The following FHIP1A variants were observed in gnomAD, a reference collection of about 807,000 sequenced individuals.
The protein encoded by FHIP1A is FHF complex subunit HOOK-interacting protein 1A.
FHIP1A carries 61 observed loss-of-function variants against 88.6 expected under a neutral mutation model. The observed-to-expected ratio is 0.69, with a 90% CI of 0.56 to 0.85. The LOEUF (loss-of-function observed/expected upper bound fraction) is 0.85. FHIP1A is among the 40% of genes least tolerant of loss of function. The probability of loss-of-function intolerance (pLI) is 0.00; values close to 1 mark genes in which losing one functional copy is unlikely to be tolerated. For synonymous variants in FHIP1A, 478 were observed against 496.0 expected (o/e 0.96, Z 0.48); for missense variants, 1,154 against 1,273.5 (o/e 0.91, Z 1.43).
intron 7 of FHIP1A, among the ~76,000 whole-genome samples, chr4:151,589,511 AC>A (rs1337670187): frequency 6.6e-6 from 1 of 152,080 alleles, no homozygotes; most frequent in Non-Finnish European, 1.5e-5. Context: ...GTCAGGAGAC[AC>A]TCCTAGGCCT....
At position 151,662,594 on chromosome 4, in the gene FHIP1A, A is replaced by G; in HGVS notation, c.2963A>G (p.Lys988Arg). Residue 988 changes from lysine (K) to arginine (R), a missense_variant, in exon 14 of 14, where the codon AAG (lysine) becomes AGG (arginine). Lys to Arg is a conservative substitution (Grantham distance 26). Transcript: ENST00000435205. ...CAGCCCTTCCTGACCCACAGAACCA[A>G]GGTGGCTGAGGCACCCCCCAACCTG... ...VLQPFLTHRTKVAEAPPNLPL... is the reference protein window; with the variant it reads ...VLQPFLTHRTRVAEAPPNLPL... 1 of 1,551,588 alleles carries G rather than the reference A, an allele frequency of 6.4e-7. No individual in the cohort carries two copies. The highest frequency in any genetic ancestry group is 8.7e-7 in the Non-Finnish European group (1 of 1,146,964).
chr4:151,414,344 C>T (rs1248317892), intron 1 of FHIP1A, among the ~76,000 whole-genome samples: 3 of 152,192 alleles, frequency 2.0e-5, no homozygotes, highest in Admixed American at 1.3e-4. Flanking sequence ...TGAGCCACCG[C>T]GTCTGGCCTC....
chr4:151,544,500 C>T (rs1011872828), intron 3 of FHIP1A, among the ~76,000 whole-genome samples: 2 of 152,124 alleles, frequency 1.3e-5, no homozygotes, highest in Admixed American at 1.3e-4. Context: ...TCTCCTTTTC[C>T]TGCTTAGAGC....
chr4:151,586,065 T>G (rs1734199014), intron 5 of FHIP1A, among the ~76,000 whole-genome samples: 1 of 152,100 alleles, frequency 6.6e-6, no homozygotes, highest in East Asian at 1.9e-4. Context: ...AAAATATACG[T>G]GGAAGTGCTT....
chr4:151,667,453 G>A lies in FHIP1A; in HGVS notation c.*4699G>A, dbSNP rs771902010. ...CTTTAGAAAGAGCTCTCAGAAGACT[G>A]AGAATGGTTTTTAGGATAATTTTGC... On this transcript the variant is annotated 3_prime_UTR_variant, in exon 14 of 14. Transcript: ENST00000435205. The A allele has an allele frequency of 1.3e-5, 2 of 152,158 alleles. No homozygotes were observed. Among genetic ancestry groups the A allele is most frequent in the African/African-American group, 4.8e-5 (2 of 41,438 alleles). 9.4% of individuals were successfully genotyped at this position (152,158 alleles called of 1,614,324 possible). A position where few individuals can be genotyped will look rare whatever the true frequency, so the allele number is the denominator to read the frequency against.
chr4:151,616,450 T>C (rs1278812299), intron 7 of FHIP1A, among the ~76,000 whole-genome samples: 3 of 142,626 alleles, frequency 2.1e-5, no homozygotes, highest in Admixed American at 6.9e-5. Context: ...CTTTCTTTTT[T>C]TTTTTTTTTT....
In FHIP1A at chr4:151,566,218, G is replaced by A. The variant is rs1482058928; in HGVS notation, c.-42G>A. Reference sequence around the variant, plus strand: ...TAGTGACGGCTTACCAAATTTTAATGAAAATTAAATATGACTTAGAAGCAT... The same window carrying A: ...TAGTGACGGCTTACCAAATTTTAATAAAAATTAAATATGACTTAGAAGCAT... On this transcript the variant is annotated 5_prime_UTR_variant, in exon 4 of 14. The change abolishes an upstream ATG in the 5' untranslated region. Coordinates refer to ENST00000435205, the MANE Select transcript of FHIP1A (RefSeq NM_001109977.3). The A allele has an allele frequency of 2.3e-6, 3 of 1,301,214 alleles. No individual in the cohort carries two copies. In the South Asian group the frequency reaches 4.5e-5, roughly 19 times the overall value. 80.6% of individuals were successfully genotyped at this position (1,301,214 alleles called of 1,614,324 possible).
chr4:151,592,785 T>C (rs904594837), intron 7 of FHIP1A, among the ~76,000 whole-genome samples: 1 of 152,236 alleles, frequency 6.6e-6, no homozygotes, highest in Admixed American at 6.5e-5. Context: ...CATTTATCAA[T>C]TTTGGCTTTT....
chr4:151,590,472 A>G (rs188852896), intron 7 of FHIP1A, among the ~76,000 whole-genome samples: 79 of 152,310 alleles, frequency 5.2e-4, no homozygotes, highest in African/African-American at 1.8e-3. Context: ...GTCACCACAC[A>G]CTACTTCTTC....
chr4:151,441,691 ATGT>A (rs1340778347), intron 1 of FHIP1A, among the ~76,000 whole-genome samples: 3 of 152,138 alleles, frequency 2.0e-5, no homozygotes, highest in Non-Finnish European at 4.4e-5. Flanking sequence ...CAGCCAGGAG[ATGT>A]GTGAAAGTTA....
chr4:151,466,011 G>C (rs766551351), intron 2 of FHIP1A, among the ~76,000 whole-genome samples: 2 of 151,988 alleles, frequency 1.3e-5, no homozygotes, highest in Admixed American at 6.6e-5. Flanking sequence ...AGAAATAAAG[G>C]GTATTCATAT....
chr4:151,534,706 A>C (rs1266076381), intron 3 of FHIP1A: 1 of 152,234 alleles, frequency 6.6e-6, no homozygotes, highest in African/African-American at 2.4e-5. Context: ...GAAATTCTAG[A>C]GAATCCAAGA....
chr4:151,604,825 G>A (rs1000750537), intron 7 of FHIP1A, among the ~76,000 whole-genome samples: 11 of 151,430 alleles, frequency 7.3e-5, no homozygotes, highest in African/African-American at 2.4e-4. Flanking sequence ...CTCCAGCCTG[G>A]GTGACAGAGT....
intron 7 of FHIP1A, among the ~76,000 whole-genome samples, chr4:151,622,650 A>T (rs1162206465): frequency 6.6e-6 from 1 of 152,094 alleles, no homozygotes; most frequent in Admixed American, 6.6e-5. Context: ...GTAACTGGTC[A>T]GTGATGTTGT....
chr4:151,498,109 A>G (rs570041882), intron 3 of FHIP1A, among the ~76,000 whole-genome samples: 2 of 152,270 alleles, frequency 1.3e-5, no homozygotes, highest in East Asian at 1.9e-4. Flanking sequence ...TTGTATTCAG[A>G]GTTGAGTCCC....
chr4:151,546,298 A>T (rs1002968318), intron 3 of FHIP1A, among the ~76,000 whole-genome samples: 44 of 152,134 alleles, frequency 2.9e-4, no homozygotes, highest in African/African-American at 1.0e-3. Flanking sequence ...CTTTGGCCTT[A>T]GACTAAGAAT....
intron 3 of FHIP1A, among the ~76,000 whole-genome samples, chr4:151,562,654 T>A (rs978116390): frequency 2.0e-5 from 3 of 152,204 alleles, no homozygotes; most frequent in Admixed American, 2.0e-4. Flanking sequence ...ATTGAAGGAT[T>A]GTATGAGATA....
At chr4:151,440,111 A>T (rs1368125515) in intron 1 of FHIP1A, among the ~76,000 whole-genome samples, 2 of 152,166 alleles carry the variant, frequency 1.3e-5, no homozygotes, top group Non-Finnish European at 2.9e-5. Context: ...AGCAGGAGAG[A>T]GAATGAGTGC....
intron 7 of FHIP1A, among the ~76,000 whole-genome samples, chr4:151,618,829 C>A (rs1042771028): frequency 1.3e-5 from 2 of 152,176 alleles, no homozygotes; most frequent in African/African-American, 4.8e-5. Context: ...CCATTGCAGA[C>A]CATTTTCTAC....
Sources: allele counts gnomAD v4.1 joint callset (sites outside exome capture counted in the v4.1 genomes callset), GRCh38; gene constraint gnomAD v4.1.1; transcripts MANE v1.5; gene names NCBI Gene and HGNC (gene_info 2026-07-23, HGNC 2026-07-21).